NKIRAS1: variants seen among roughly 807,000 people sequenced by gnomAD.
NKIRAS1 encodes the protein NFKB inhibitor interacting Ras like 1, also known as NF-kappa-B inhibitor-interacting Ras-like protein 1.
A neutral mutation model predicts 19.8 loss-of-function variants in NKIRAS1; 16 were observed. That is an observed-to-expected ratio of 0.81 (90% CI 0.55 to 1.23). The LOEUF is 1.23. Among genes scored for constraint, NKIRAS1 ranks in the 50% most tolerant of loss-of-function variants. The pLI, the probability that NKIRAS1 is intolerant of heterozygous loss-of-function variation, is 0.00. For synonymous variants in NKIRAS1, 88 were observed against 79.0 expected (o/e 1.11, Z -0.61); for missense variants, 184 against 220.0 (o/e 0.84, Z 1.04).
chr3:23,917,822 A>C (rs368314767), upstream of NKIRAS1: 1 of 1,582,542 alleles, frequency 6.3e-7, no homozygotes, highest in Non-Finnish European at 8.6e-7. Context: ...AAAGCGGATG[A>C]TATTTAATAC....
At chr3:23,893,582 G>A (rs1701653731) in intron 4 of NKIRAS1, among the ~76,000 whole-genome samples, 2 of 152,068 alleles carry the variant, frequency 1.3e-5, no homozygotes, top group Non-Finnish European at 2.9e-5. Flanking sequence ...CGAGGCTCGT[G>A]GATCTCTTGA....
At chr3:23,940,949 G>A (rs933927721) in intron 1 of NKIRAS1, among the ~76,000 whole-genome samples, 4 of 152,084 alleles carry the variant, frequency 2.6e-5, no homozygotes, top group African/African-American at 9.7e-5. Flanking sequence ...AACATGCTTG[G>A]GAATTTTTGT....
chr3:23,896,884 C>T (rs1702047904), intron 4 of NKIRAS1, among the ~76,000 whole-genome samples: 1 of 151,140 alleles, frequency 6.6e-6, no homozygotes, highest in Non-Finnish European at 1.5e-5. Context: ...ACAGAAGGTA[C>T]AGGATAGTAT....
At chr3:23,902,323 T>G (rs1047781785) in intron 3 of NKIRAS1, among the ~76,000 whole-genome samples, 12 of 152,308 alleles carry the variant, frequency 7.9e-5, no homozygotes, top group Non-Finnish European at 1.5e-4. Context: ...AATCACATGG[T>G]AATACATAGA....
Position 23,932,464 on chromosome 3 carries a change from G to A in NKIRAS1, c.-140+13859C>T, listed in dbSNP as rs147146427. Among the ~76,000 whole-genome samples, 411 of 152,022 alleles carry A rather than the reference G, an allele frequency of 2.7e-3. 11 individuals carry two copies. In the East Asian group the frequency reaches 0.062, roughly 23 times the overall value. On this transcript the variant is annotated intron_variant, in intron 1 of 4. Transcript: ENST00000421515. Reference sequence around the variant, plus strand: ...AGCACTTTTGGAGGCCGAGGCGGGCGGATCACCTGAGGTCGGGAGTCCAAG... The same window carrying A: ...AGCACTTTTGGAGGCCGAGGCGGGCAGATCACCTGAGGTCGGGAGTCCAAG...
chr3:23,919,773 A>G, upstream of NKIRAS1: 3 of 1,145,508 alleles, frequency 2.6e-6, no homozygotes, highest in Non-Finnish European at 3.2e-6. Context: ...GGCTTAATAA[A>G]TTCTTTAAAA....
rs1705115467 is a variant in NKIRAS1, at chr3:23,922,265, T to TA, written c.-139-10816dup. 6.6e-6 allele frequency: 1 copy of TA among 152,256 alleles called. No homozygotes were observed. The highest frequency in any genetic ancestry group is 1.5e-5 in the Non-Finnish European group (1 of 68,060). 9.4% of individuals were successfully genotyped at this position (152,256 alleles called of 1,614,324 possible). On this transcript the variant is annotated intron_variant, in intron 1 of 4. Transcript: ENST00000421515. This position sits in a 1 kb window ranked among gnomAD's most constrained non-coding sequence, Gnocchi z 4.2. Reference sequence around the variant, plus strand: ...GTCTCAAAAATAACAATTGGTTTCTTACAATCCCAAAAGGTGCAGTTACTA... The same window carrying TA: ...GTCTCAAAAATAACAATTGGTTTCTTAACAATCCCAAAAGGTGCAGTTACTA...
rs1705133057 is a variant in NKIRAS1 at position 23,922,771 on chromosome 3, C to CTAG, written c.-139-11324_-139-11322dup. 1 of 152,144 alleles carries CTAG rather than the reference C, an allele frequency of 6.6e-6. No individual in the cohort carries two copies. Among genetic ancestry groups the CTAG allele is most frequent in the Admixed American group, 6.5e-5 (1 of 15,282 alleles). The allele number at this position is 152,144 out of a possible 1,614,324, so 9.4% of individuals were successfully genotyped here. A position where few individuals can be genotyped will look rare whatever the true frequency, so the allele number is the denominator to read the frequency against. On this transcript the variant is annotated intron_variant, in intron 1 of 4. Transcript: ENST00000421515. This position sits in a 1 kb window ranked among gnomAD's most constrained non-coding sequence, Gnocchi z 4.2. ...TCTACAGTACAAACCCTTCTGCCTC[C>CTAG]TAGTTCCTCTCCCTGGAGGCAAGGT... is the stretch of plus-strand genomic sequence containing the variant.
upstream of NKIRAS1, chr3:23,919,549 G>T (rs1704954588): frequency 1.4e-6 from 2 of 1,462,746 alleles, no homozygotes; most frequent in South Asian, 1.4e-5. Context: ...ATTTAGGACA[G>T]TCATGTCTGC....
intron 1 of NKIRAS1, among the ~76,000 whole-genome samples, chr3:23,942,682 C>T (rs922243190): frequency 6.6e-6 from 1 of 151,738 alleles, no homozygotes; most frequent in East Asian, 1.9e-4. Flanking sequence ...CTGCCGTCCT[C>T]GGCCTCCCAA....
exon 1 of NKIRAS1, chr3:23,946,354 A>T (rs1362647450): frequency 6.6e-5 from 62 of 938,178 alleles, no homozygotes; most frequent in Non-Finnish European, 7.9e-5. Context: ...GTGCAGGACG[A>T]GGGCGTGCTG....
intron 1 of NKIRAS1, among the ~76,000 whole-genome samples, chr3:23,932,830 T>A (rs545721359): frequency 6.6e-6 from 1 of 152,194 alleles, no homozygotes; most frequent in South Asian, 2.1e-4. Flanking sequence ...AAAATCTGCT[T>A]GATTTCTCTA....
upstream of NKIRAS1, chr3:23,918,403 C>G: frequency 1.2e-6 from 2 of 1,604,552 alleles, no homozygotes; most frequent in Non-Finnish European, 1.7e-6. Flanking sequence ...TTACGGCTTC[C>G]TATAAAATCA....
intron 3 of NKIRAS1, among the ~76,000 whole-genome samples, chr3:23,906,360 T>A (rs1703062516): frequency 6.6e-6 from 1 of 151,890 alleles, no homozygotes; most frequent in South Asian, 2.1e-4. Context: ...TAAACAAAAC[T>A]AAAGAAATGA....
chr3:23,894,333 ATCT>A (rs1222066140), intron 4 of NKIRAS1, among the ~76,000 whole-genome samples: 1 of 152,178 alleles, frequency 6.6e-6, no homozygotes, highest in Non-Finnish European at 1.5e-5. Flanking sequence ...AACTCATCAG[ATCT>A]TGGAACCACT....
intron 1 of NKIRAS1, chr3:23,916,204 A>G (rs1704388146): frequency 6.6e-6 from 1 of 152,208 alleles, no homozygotes; most frequent in Non-Finnish European, 1.5e-5. Flanking sequence ...CCTTTGCCAC[A>G]TCTGAACGCA....
intron 3 of NKIRAS1, among the ~76,000 whole-genome samples, chr3:23,906,646 ATT>A (rs11293534): frequency 1.2e-3 from 164 of 141,134 alleles, no homozygotes; most frequent in South Asian, 1.8e-3. Flanking sequence ...CTTCCTTATG[ATT>A]TTTTTTTTTT....
In NKIRAS1 at chr3:23,901,930, G is replaced by A. The variant is rs550388435; in HGVS notation, c.95-881C>T. On this transcript the variant is annotated intron_variant, in intron 3 of 4. Transcript: ENST00000425478. ...TCAACTAAAAATACAAAAATTCGCTGGGTGTGGTGGCGGGCACCTGTTATC... is the reference window on the plus strand; with the variant it reads ...TCAACTAAAAATACAAAAATTCGCTAGGTGTGGTGGCGGGCACCTGTTATC... Among the ~76,000 whole-genome samples, 228 of 152,258 alleles carry A rather than the reference G, an allele frequency of 1.5e-3. 1 individual carries two copies. The highest frequency in any genetic ancestry group is 5.1e-3 in the African/African-American group (211 of 41,554).
At chr3:23,906,946 T>G (rs1703123611) in intron 3 of NKIRAS1, among the ~76,000 whole-genome samples, 1 of 152,156 alleles carries the variant, frequency 6.6e-6, no homozygotes, top group Non-Finnish European at 1.5e-5. Context: ...CAGGCTGGAG[T>G]GCAGTGGCGT....
Sources: allele counts gnomAD v4.1 joint callset (sites outside exome capture counted in the v4.1 genomes callset), GRCh38; gene constraint gnomAD v4.1.1; non-coding constraint Gnocchi (gnomAD v3.1); transcripts MANE v1.5; gene names NCBI Gene and HGNC (gene_info 2026-07-23, HGNC 2026-07-21).